Variants in CACNA2D1 observed in about 807,000 individuals in gnomAD.
CACNA2D1 encodes the protein calcium voltage-gated channel auxiliary subunit alpha2delta 1.
A neutral mutation model predicts 171.5 loss-of-function variants in CACNA2D1; 53 were observed. The observed-to-expected ratio is 0.31, with a 90% CI of 0.25 to 0.39. The LOEUF (loss-of-function observed/expected upper bound fraction) is 0.39, where lower values mean the gene tolerates loss of function less well. CACNA2D1 is among the 10% of genes least tolerant of loss of function. CACNA2D1 has a pLI of 1.00. For synonymous variants in CACNA2D1, 442 were observed against 443.1 expected, an observed-to-expected ratio of 1.00 and a Z score of 0.03; for missense variants, 903 against 1,299.8, an observed-to-expected ratio of 0.69 and a Z score of 4.69.
At chr7:82,043,128 A>T (rs1374653847) in intron 10 of CACNA2D1, among the ~76,000 whole-genome samples, 2 of 152,218 alleles carry the variant, frequency 1.3e-5, no homozygotes, top group Non-Finnish European at 2.9e-5. Context: ...CAAACTATGG[A>T]AATTAGAAGT....
intron 1 of CACNA2D1, among the ~76,000 whole-genome samples, chr7:82,376,815 T>C (rs1394032068): frequency 6.6e-6 from 1 of 152,196 alleles, no homozygotes; most frequent in Admixed American, 6.5e-5. Context: ...TTTATACTTT[T>C]AAGAAAATCT....
intron 4 of CACNA2D1, among the ~76,000 whole-genome samples, chr7:82,137,668 G>A (rs1264544296): frequency 1.4e-5 from 2 of 141,222 alleles, no homozygotes; most frequent in East Asian, 2.2e-4. Flanking sequence ...TCAGGAGATC[G>A]AGACCATCCT....
intron 38 of CACNA2D1, among the ~76,000 whole-genome samples, chr7:81,958,008 T>A (rs1286343855): frequency 1.3e-5 from 2 of 152,016 alleles, no homozygotes; most frequent in Non-Finnish European, 2.9e-5. Context: ...CATAAAACAT[T>A]CTTTGGGGGA....
At chr7:82,387,228 T>C (rs915799142) in intron 1 of CACNA2D1, among the ~76,000 whole-genome samples, 2 of 152,150 alleles carry the variant, frequency 1.3e-5, no homozygotes, top group East Asian at 1.9e-4. Flanking sequence ...CCATAGAAAA[T>C]AGTACTAACA....
intron 1 of CACNA2D1, among the ~76,000 whole-genome samples, chr7:82,371,650 G>A (rs964748910): frequency 6.6e-6 from 1 of 151,832 alleles, no homozygotes; most frequent in South Asian, 2.1e-4. Context: ...GCACAATCTC[G>A]GCTCACTGTA....
intron 3 of CACNA2D1, among the ~76,000 whole-genome samples, chr7:82,331,086 T>C (rs1817250191): frequency 6.6e-6 from 1 of 152,100 alleles, no homozygotes; most frequent in Non-Finnish European, 1.5e-5. Context: ...CTGGCAAACA[T>C]TACTTATTAG....
At chr7:82,000,075 A>G (rs991330900) in intron 18 of CACNA2D1, among the ~76,000 whole-genome samples, 3 of 152,054 alleles carry the variant, frequency 2.0e-5, no homozygotes, top group African/African-American at 7.2e-5. Context: ...GCTGGCCAAC[A>G]TAATGAAACC....
intron 1 of CACNA2D1, among the ~76,000 whole-genome samples, chr7:82,373,935 C>A (rs1024370121): frequency 6.6e-6 from 1 of 152,132 alleles, no homozygotes; most frequent in Non-Finnish European, 1.5e-5. Flanking sequence ...TCAAACAATA[C>A]AATCAGGGCA....
At chr7:82,178,321 G>A (rs1319673075) in intron 3 of CACNA2D1, among the ~76,000 whole-genome samples, 1 of 152,152 alleles carries the variant, frequency 6.6e-6, no homozygotes, top group Admixed American at 6.6e-5. Flanking sequence ...ACAGAAGGCA[G>A]GGTAAGGGAG....
intron 10 of CACNA2D1, among the ~76,000 whole-genome samples, chr7:82,055,937 T>TATATATATATATATATATATATATATAA (rs1805817876): frequency 7.6e-6 from 1 of 132,254 alleles, no homozygotes; most frequent in Non-Finnish European, 1.6e-5. Flanking sequence ...TGTGTATATA[T>TATATATATATATATATATATATATATAA]ATATATATAT....
chr7:82,082,238 T>C (rs1223159483), intron 7 of CACNA2D1, among the ~76,000 whole-genome samples: 1 of 152,104 alleles, frequency 6.6e-6, no homozygotes, highest in Admixed American at 6.5e-5. Flanking sequence ...TGTTACAACT[T>C]TCTTTGTACC....
At chr7:82,305,508 C>T (rs1015874722) in intron 3 of CACNA2D1, among the ~76,000 whole-genome samples, 1 of 152,122 alleles carries the variant, frequency 6.6e-6, no homozygotes, top group Non-Finnish European at 1.5e-5. Context: ...CAACCACAGC[C>T]TACCATCCAT....
chr7:82,063,738 A>G (rs1043162836), intron 9 of CACNA2D1, among the ~76,000 whole-genome samples: 4 of 152,138 alleles, frequency 2.6e-5, no homozygotes, highest in Non-Finnish European at 5.9e-5. Context: ...ACCTTATTAG[A>G]AAACATGTAC....
Position 81,964,191 on chromosome 7 carries a change from C to T in CACNA2D1, c.2727+16G>A, listed in dbSNP as rs201782873. ...AGTACCCCTTGAGAATTGATTAGAC[C>T]GTGGATATTACTGACCACATATGCT... On this transcript the variant is annotated intron_variant, in intron 33 of 38. Coordinates refer to ENST00000356860, the MANE Select transcript of CACNA2D1 (RefSeq NM_000722.4). The T allele has an allele frequency of 2.5e-5, 41 of 1,612,502 alleles. No individual in the cohort carries two copies. The Admixed American group carries it at 2.7e-4, about 11-fold the overall frequency.
Position 81,948,688 on chromosome 7 carries a change from T to C in CACNA2D1, c.*1704A>G, listed in dbSNP as rs1792240437. On this transcript the variant is annotated 3_prime_UTR_variant, in exon 39 of 39. Coordinates refer to ENST00000356860, the MANE Select transcript of CACNA2D1 (RefSeq NM_000722.4). ...TAAGAAAATTTCCAGCATATACACA[T>C]ACCAGTAATTGGCATGTTCCAAAAA... 1 of 151,948 alleles carries C rather than the reference T, an allele frequency of 6.6e-6. No individual in the cohort carries two copies. The highest frequency in any genetic ancestry group is 2.4e-5 in the African/African-American group (1 of 41,432). The allele number at this position is 151,948 out of a possible 1,614,324, so 9.4% of individuals were successfully genotyped here.
intron 3 of CACNA2D1, among the ~76,000 whole-genome samples, chr7:82,172,120 G>A (rs1237203288): frequency 6.6e-6 from 1 of 151,980 alleles, no homozygotes; most frequent in African/African-American, 2.4e-5. Context: ...GTGCCAAAAG[G>A]ACAATGGTTT....
In CACNA2D1 at chr7:82,443,336, G is replaced by A. The variant is rs768194184; in HGVS notation, c.95+29C>T. The stretch of plus-strand genomic sequence containing the variant: ...CCAACTCCCGCGGCGCCCCTCGGCC[G>A]GCGCTCCCTGCCCGGCCCGCCGACT... On this transcript the variant is annotated intron_variant, in intron 1 of 38. Coordinates refer to ENST00000356860, the MANE Select transcript of CACNA2D1 (RefSeq NM_000722.4). The A allele has an allele frequency of 5.1e-6, 8 of 1,576,486 alleles. 1 individual carries two copies. In the South Asian group the frequency reaches 5.7e-5, roughly 11 times the overall value.
intron 1 of CACNA2D1, among the ~76,000 whole-genome samples, chr7:82,365,401 T>A (rs191536255): frequency 5.7e-4 from 87 of 152,374 alleles, no homozygotes; most frequent in Non-Finnish European, 1.0e-3. Flanking sequence ...TTATTTTACA[T>A]GGAACTGTGA....
intron 3 of CACNA2D1, among the ~76,000 whole-genome samples, chr7:82,286,579 T>C (rs1810797323): frequency 6.6e-6 from 1 of 152,190 alleles, no homozygotes; most frequent in Non-Finnish European, 1.5e-5. Context: ...GTCCTGTTTC[T>C]AGCTTGGTTC....
Sources: gnomAD v4.1 joint callset for allele counts (sites outside exome capture counted in the v4.1 genomes callset) on GRCh38, gnomAD v4.1.1 for gene constraint, MANE v1.5 for transcripts, NCBI Gene and HGNC (gene_info 2026-07-23, HGNC 2026-07-21) for gene names.